Variants in TSPAN5 observed in about 807,000 individuals in gnomAD.
TSPAN5 encodes tetraspanin 5.
Under a neutral mutation model 37.1 loss-of-function variants are expected in TSPAN5, and 10 were observed. That is an observed-to-expected ratio of 0.27 (90% CI 0.17 to 0.46). The LOEUF is 0.46. Among genes scored for constraint, TSPAN5 ranks in the 20% least tolerant of loss-of-function variants. The pLI, the probability that TSPAN5 is intolerant of heterozygous loss-of-function variation, is 1.00. For missense variants in TSPAN5, 195 were observed against 326.6 expected (o/e 0.60, Z 3.11); for synonymous variants, 110 against 118.9 (o/e 0.93, Z 0.48).
rs369935390 is a variant in TSPAN5, at chr4:98,556,041, C to CCACA, written c.82-48317_82-48314dup. Among the ~76,000 whole-genome samples, 461 of 101,660 alleles carry CCACA rather than the reference C, an allele frequency of 4.5e-3. 74 individuals are homozygous for CCACA. Among genetic ancestry groups the CCACA allele is most frequent in the Non-Finnish European group, 6.8e-3 (368 of 53,960 alleles). The allele number at this position is 101,660 out of a possible 152,430, so 66.7% of individuals were successfully genotyped here. On this transcript the variant is annotated intron_variant, in intron 1 of 7. Coordinates refer to ENST00000305798, the MANE Select transcript of TSPAN5 (RefSeq NM_005723.4). ...ACACACCCCCACACACACAGCACCC[C>CCACA]CACACACACACACACACACACACAG... is the stretch of plus-strand genomic sequence containing the variant.
At chr4:98,606,225 ATTACCT>A (rs2110227137) in intron 1 of TSPAN5, among the ~76,000 whole-genome samples, 2 of 152,306 alleles carry the variant, frequency 1.3e-5, no homozygotes, top group South Asian at 4.1e-4. Flanking sequence ...ATTTCTGCAG[ATTACCT>A]TTATCTTTGA....
At chr4:98,549,650 T>C (rs1578985144) in intron 1 of TSPAN5, among the ~76,000 whole-genome samples, 1 of 152,294 alleles carries the variant, frequency 6.6e-6, no homozygotes, top group East Asian at 1.9e-4. Flanking sequence ...GTTGAGCATT[T>C]TTTTCATGTT....
chr4:98,473,999 T>C (rs1752642038), intron 7 of TSPAN5, among the ~76,000 whole-genome samples: 1 of 152,226 alleles, frequency 6.6e-6, no homozygotes, highest in Admixed American at 6.5e-5. Flanking sequence ...CTAGGAGTTA[T>C]CTTTTCACTG....
At chr4:98,506,340 T>G (rs1025551046) in intron 2 of TSPAN5, among the ~76,000 whole-genome samples, 1 of 152,242 alleles carries the variant, frequency 6.6e-6, no homozygotes, top group Non-Finnish European at 1.5e-5. Flanking sequence ...ATCTCTGTTT[T>G]GGGAACTTAA....
chr4:98,657,206 AAAAC>A (rs963676266), intron 1 of TSPAN5, among the ~76,000 whole-genome samples: 23 of 152,312 alleles, frequency 1.5e-4, no homozygotes, highest in Middle Eastern at 3.4e-3. Flanking sequence ...GAAAAGAATC[AAAAC>A]AAACAAACAA....
chr4:98,475,479 A>C (rs1428244555), intron 7 of TSPAN5, among the ~76,000 whole-genome samples: 1 of 152,210 alleles, frequency 6.6e-6, no homozygotes. Context: ...GGGGTATGAC[A>C]TCTCTGTGAA....
intron 1 of TSPAN5, among the ~76,000 whole-genome samples, chr4:98,606,011 G>A (rs571603262): frequency 6.6e-6 from 1 of 152,244 alleles, no homozygotes; most frequent in African/African-American, 2.4e-5. Flanking sequence ...GTATGCACAC[G>A]GCACATTTCT....
intron 1 of TSPAN5, among the ~76,000 whole-genome samples, chr4:98,621,368 T>C (rs1235217885): frequency 4.4e-4 from 63 of 144,428 alleles, no homozygotes; most frequent in African/African-American, 1.6e-3. Context: ...ATGTCACTTT[T>C]TTTTTTTTTT....
intron 1 of TSPAN5, among the ~76,000 whole-genome samples, chr4:98,611,548 T>A (rs561150992): frequency 6.6e-6 from 1 of 152,264 alleles, no homozygotes; most frequent in African/African-American, 2.4e-5. Context: ...ATAATGAAAA[T>A]ATGCCAGATG....
In TSPAN5 at chr4:98,532,779, G is replaced by C. The variant is rs575383510; in HGVS notation, c.82-25051C>G. Among the ~76,000 whole-genome samples, 11 of 152,304 alleles carry C rather than the reference G, an allele frequency of 7.2e-5. No individual in the cohort carries two copies. The East Asian group carries it at 1.7e-3, about 24-fold the overall frequency. ...TCCCTGTCTTGTGCCAGTTTTCAAA[G>C]GGAATGCTTCCAGTGTTTCCTCATT... On this transcript the variant is annotated intron_variant, in intron 1 of 7. Coordinates refer to ENST00000305798, the MANE Select transcript of TSPAN5 (RefSeq NM_005723.4).
chr4:98,576,842 C>T (rs1006916553), intron 1 of TSPAN5, among the ~76,000 whole-genome samples: 1 of 152,236 alleles, frequency 6.6e-6, no homozygotes, highest in African/African-American at 2.4e-5. Flanking sequence ...TCACTGCAAC[C>T]TCCACCTCCC....
chr4:98,564,184 G>A (rs1353039566), intron 1 of TSPAN5, among the ~76,000 whole-genome samples: 6 of 152,146 alleles, frequency 3.9e-5, no homozygotes, highest in Non-Finnish European at 8.8e-5. Context: ...CAAATTACAT[G>A]AAAGCCAATA....
At chr4:98,584,675 G>C (rs892696692) in intron 1 of TSPAN5, among the ~76,000 whole-genome samples, 1 of 152,116 alleles carries the variant, frequency 6.6e-6, no homozygotes, top group Non-Finnish European at 1.5e-5. Context: ...CTCTGTGATT[G>C]CCTCAGGCTA....
intron 1 of TSPAN5, among the ~76,000 whole-genome samples, chr4:98,536,435 G>A (rs1382334648): frequency 6.6e-6 from 1 of 152,176 alleles, no homozygotes; most frequent in Non-Finnish European, 1.5e-5. Context: ...TGAGGTGTCC[G>A]TCGGCCCCTA....
At chr4:98,578,820 T>C (rs1179968782) in intron 1 of TSPAN5, among the ~76,000 whole-genome samples, 1 of 152,124 alleles carries the variant, frequency 6.6e-6, no homozygotes, top group Non-Finnish European at 1.5e-5. Flanking sequence ...AAGCAGACTC[T>C]CCCACCTCCC....
chr4:98,564,941 C>T (rs1319592628), intron 1 of TSPAN5, among the ~76,000 whole-genome samples: 4 of 152,232 alleles, frequency 2.6e-5, no homozygotes, highest in Non-Finnish European at 5.9e-5. Flanking sequence ...CTCAAACCAG[C>T]ACCTTTCAGC....
At chr4:98,567,977 C>T (rs181465747) in intron 1 of TSPAN5, among the ~76,000 whole-genome samples, 2 of 152,072 alleles carry the variant, frequency 1.3e-5, no homozygotes, top group Non-Finnish European at 1.5e-5. Flanking sequence ...GGGATGACAA[C>T]AGGATCTACT....
intron 1 of TSPAN5, among the ~76,000 whole-genome samples, chr4:98,551,079 T>C (rs1754604070): frequency 6.6e-6 from 1 of 152,226 alleles, no homozygotes; most frequent in Admixed American, 6.5e-5. Flanking sequence ...TGAAGACTTT[T>C]ATCATGAAGA....
chr4:98,640,897 T>A (rs777368053), intron 1 of TSPAN5, among the ~76,000 whole-genome samples: 62 of 152,302 alleles, frequency 4.1e-4, no homozygotes, highest in Non-Finnish European at 6.3e-4. Context: ...CAGGGTTGGA[T>A]GTACATCATC....
Sources: allele counts gnomAD v4.1 joint callset (sites outside exome capture counted in the v4.1 genomes callset), GRCh38; gene constraint gnomAD v4.1.1; transcripts MANE v1.5; gene names NCBI Gene and HGNC (gene_info 2026-07-23, HGNC 2026-07-21).